Variants in ODAM observed in about 807,000 individuals in gnomAD.
ODAM encodes odontogenic, ameloblast associated.
Under a neutral mutation model 48.5 loss-of-function variants are expected in ODAM, and 55 were observed. That is an observed-to-expected ratio of 1.13 (90% CI 0.91 to 1.42). ODAM has a LOEUF of 1.42. Among genes scored for constraint, ODAM ranks in the 40% most tolerant of loss-of-function variants. The pLI, the probability that ODAM is intolerant of heterozygous loss-of-function variation, is 0.00. For missense variants in ODAM, 353 were observed against 323.6 expected (o/e 1.09, Z -0.70); for synonymous variants, 127 against 107.8 (o/e 1.18, Z -1.10).
At position 70,200,576 on chromosome 4, in the gene ODAM, C is replaced by A; in HGVS notation, c.503C>A (p.Thr168Lys). The A allele has an allele frequency of 6.2e-7, 1 of 1,610,174 alleles. No individual in the cohort carries two copies. Among genetic ancestry groups the A allele is most frequent in the Non-Finnish European group, 8.5e-7 (1 of 1,177,266 alleles). ...QQTVPRSPQQ[T>K]RQQQYEEQIP... ...ACAGTTCCAAGGTCACCTCAACAAA[C>A]AAGACAGCAACAGTATGAGGAGCAG... The change falls in exon 7 of 12, where the codon ACA becomes AAA. Residue 168 changes from threonine to lysine, a missense_variant. Thr to Lys is a moderately conservative substitution (Grantham distance 78). Coordinates refer to ENST00000683306, the MANE Select transcript of ODAM (RefSeq NM_017855.4).
intron 6 of ODAM, among the ~76,000 whole-genome samples, chr4:70,199,248 TA>T (rs1560483554): frequency 2.6e-5 from 4 of 152,048 alleles, no homozygotes; most frequent in African/African-American, 4.8e-5. Context: ...AATTTTACAA[TA>T]TTCTGGGTTC....
rs1349267434 is a variant in ODAM at position 70,201,506 on chromosome 4, G to T, written c.576+5G>T. On this transcript the variant is annotated splice_donor_5th_base_variant and intron_variant, in intron 8 of 11. Transcript: ENST00000683306. Reference sequence around the variant, plus strand: ...ATTCCACAACTAGCAGAACCTGTAAGTAAATGCATATTTTTCATTAAAAAT... The same window carrying T: ...ATTCCACAACTAGCAGAACCTGTAATTAAATGCATATTTTTCATTAAAAAT... 1 of 1,437,614 alleles carries T rather than the reference G, an allele frequency of 7.0e-7. No individual in the cohort carries two copies. Among genetic ancestry groups the T allele is most frequent in the South Asian group, 1.2e-5 (1 of 86,040 alleles). The allele number at this position is 1,437,614 out of a possible 1,614,324, so 89.1% of individuals were successfully genotyped here.
In ODAM at chr4:70,196,582, A is replaced by T. The variant is rs761232813; in HGVS notation, c.39A>T (p.Thr13=). 6.3e-7 allele frequency: 1 copy of T among 1,598,280 alleles called. No homozygotes were observed. The highest frequency in any genetic ancestry group is 8.6e-7 in the Non-Finnish European group (1 of 1,168,412). The change falls in exon 2 of 12, where the codon ACA becomes ACT. Residue 13 remains threonine (T), a synonymous_variant. Transcript: ENST00000683306. ...TTCTTCTTGGATTCCTGGGAGCCAC[A>T]TTGTCAGCCCCAGTAAGTGATTTTA... ...IIILLGFLGA[T]LSAPLIPQRL...
At chr4:70,198,850 T>C (rs10050001) in intron 6 of ODAM, among the ~76,000 whole-genome samples, 40,218 of 151,914 alleles carry the variant, frequency 0.26, 5,597 homozygotes, top group Admixed American at 0.38. Flanking sequence ...GACCCCTGAA[T>C]TTCCAGGGCA....
chr4:70,204,395 T>A lies in ODAM; in HGVS notation c.*250T>A, dbSNP rs1729571957. 1 of 152,078 alleles carries A rather than the reference T, an allele frequency of 6.6e-6. No individual in the cohort carries two copies. The allele number at this position is 152,078 out of a possible 1,614,324, so 9.4% of individuals were successfully genotyped here. On this transcript the variant is annotated 3_prime_UTR_variant, in exon 12 of 12. Coordinates refer to ENST00000683306, the MANE Select transcript of ODAM (RefSeq NM_017855.4). The stretch of plus-strand genomic sequence containing the variant: ...TATGTCTCTTCAAATATCCTATCAT[T>A]GTATAATATGGAATATAATAACACA...
intron 10 of ODAM, 40 bp from the exon 11 acceptor site, chr4:70,203,116 A>G (rs1438566318): frequency 2.0e-6 from 3 of 1,524,210 alleles, no homozygotes; most frequent in South Asian, 2.3e-5. Context: ...TTTAATTTCA[A>G]TTTAATAACA....
chr4:70,200,564 C>T lies in ODAM; in HGVS notation c.491C>T (p.Ser164Leu). The change falls in exon 7 of 12, where the codon TCA (serine) becomes TTA (leucine). Residue 164 changes from serine (S) to leucine (L), a missense_variant. Coordinates refer to ENST00000683306, the MANE Select transcript of ODAM (RefSeq NM_017855.4). ...WEQPQQTVPR[S>L]PQQTRQQQYE... ...CAACCTCAGCAAACAGTTCCAAGGT[C>T]ACCTCAACAAACAAGACAGCAACAG... The T allele has an allele frequency of 6.2e-7, 1 of 1,611,300 alleles. No homozygotes were observed. Among genetic ancestry groups the T allele is most frequent in the East Asian group, 2.2e-5 (1 of 44,712 alleles).
chr4:70,202,168 G>A lies in ODAM; in HGVS notation c.577-90G>A. ...GCAAAATAATTTAAGAAGTTTGGGAGTGTTTTACTACTCTGGTACTCTGGG... is the reference window on the plus strand; with the variant it reads ...GCAAAATAATTTAAGAAGTTTGGGAATGTTTTACTACTCTGGTACTCTGGG... On this transcript the variant is annotated intron_variant, in intron 8 of 11. Coordinates refer to ENST00000683306, the MANE Select transcript of ODAM (RefSeq NM_017855.4). The A allele has an allele frequency of 7.2e-6, 6 of 833,898 alleles. No homozygotes were observed. In the South Asian group the frequency reaches 7.2e-5, roughly 10 times the overall value. The allele number at this position is 833,898 out of a possible 1,614,324, so 51.7% of individuals were successfully genotyped here.
intron 6 of ODAM, among the ~76,000 whole-genome samples, chr4:70,199,258 T>G (rs965245625): frequency 6.6e-6 from 1 of 151,992 alleles, no homozygotes; most frequent in Middle Eastern, 3.2e-3. Flanking sequence ...TATTCTGGGT[T>G]CAAAGAAACA....
intron 5 of ODAM, 29 bp from the exon 6 acceptor site, chr4:70,198,550 C>G: frequency 6.5e-7 from 1 of 1,544,926 alleles, no homozygotes; most frequent in Non-Finnish European, 8.8e-7. Context: ...GTCAAGCATA[C>G]ATTTTTATAT....
chr4:70,203,269 GA>G, intron 11 of ODAM, 55 bp downstream of exon 11: 1 of 1,059,914 alleles, frequency 9.4e-7, no homozygotes, highest in Admixed American at 2.0e-5. Context: ...TACATAAGAA[GA>G]CAAAAGAAAA....
chr4:70,199,471 C>G (rs999694107), intron 6 of ODAM, among the ~76,000 whole-genome samples: 1 of 151,944 alleles, frequency 6.6e-6, no homozygotes, highest in African/African-American at 2.4e-5. Flanking sequence ...ATTACTTCAT[C>G]TTAAGAATCA....
At chr4:70,197,884 C>A in intron 4 of ODAM, 40 bp from the exon 5 acceptor site, 1 of 1,530,730 alleles carries the variant, frequency 6.5e-7, no homozygotes, top group South Asian at 1.1e-5. Context: ...TTCTTTTTGG[C>A]ATGAAGGGAA....
Position 70,202,282 on chromosome 4 carries a change from C to T in ODAM, c.601C>T (p.Leu201=). ...EPAISGGQQQ[L]AFDPQLGTAP... is the part of the protein sequence containing the mutation. ...GGCTATATCAGGAGGACAGCAGCAA[C>T]TAGCTTTTGATCCCCAACTAGGCAC... The change falls in exon 9 of 12, where the codon CTA becomes TTA. Residue 201 remains leucine, a synonymous_variant. Coordinates refer to ENST00000683306, the MANE Select transcript of ODAM (RefSeq NM_017855.4). 5 of 1,611,954 alleles carry T rather than the reference C, an allele frequency of 3.1e-6. No individual in the cohort carries two copies. Among genetic ancestry groups the T allele is most frequent in the South Asian group, 1.1e-5 (1 of 91,032 alleles).
At chr4:70,201,821 A>G (rs922040659) in intron 8 of ODAM, among the ~76,000 whole-genome samples, 2 of 151,974 alleles carry the variant, frequency 1.3e-5, no homozygotes, top group Non-Finnish European at 2.9e-5. Flanking sequence ...TTAAAAGCTC[A>G]TTTCTCTAAG....
At chr4:70,201,912 C>T (rs988401325) in intron 8 of ODAM, among the ~76,000 whole-genome samples, 1 of 151,806 alleles carries the variant, frequency 6.6e-6, no homozygotes, top group Non-Finnish European at 1.5e-5. Flanking sequence ...GTGAGAACAC[C>T]TGGTATTTTC....
chr4:70,200,164 G>A (rs1729465582), intron 6 of ODAM: 1 of 417,948 alleles, frequency 2.4e-6, no homozygotes, highest in Non-Finnish European at 4.6e-6. Flanking sequence ...GTGCTACATA[G>A]GCTATCTTTC....
In ODAM at chr4:70,196,604, T is replaced by A. The variant is rs757190574; in HGVS notation, c.51+10T>A. On this transcript the variant is annotated intron_variant, in intron 2 of 11. Transcript: ENST00000683306. ...CACATTGTCAGCCCCAGTAAGTGAT[T>A]TTATGGCACTACTAGTCCCACTGTG... 2.0e-5 allele frequency: 32 copies of A among 1,595,274 alleles called. No individual in the cohort carries two copies. The highest frequency in any genetic ancestry group is 2.7e-5 in the Non-Finnish European group (31 of 1,165,618).
At chr4:70,196,760 C>T (rs1207869755) in intron 3 of ODAM, 27 bp downstream of exon 3, 1 of 1,564,846 alleles carries the variant, frequency 6.4e-7, no homozygotes, top group Non-Finnish European at 8.7e-7. Context: ...AAAACAATCT[C>T]CTCCTTTTTT....
Sources: allele counts gnomAD v4.1 joint callset (sites outside exome capture counted in the v4.1 genomes callset), GRCh38; gene constraint gnomAD v4.1.1; transcripts MANE v1.5; gene names NCBI Gene and HGNC (gene_info 2026-07-23, HGNC 2026-07-21).